RORA: variants seen among roughly 807,000 people sequenced by gnomAD.
The protein encoded by RORA is RAR related orphan receptor A.
A neutral mutation model predicts 69.5 loss-of-function variants in RORA; 7 were observed. The observed-to-expected ratio is 0.10, with a 90% confidence interval of 0.06 to 0.19. The LOEUF (loss-of-function observed/expected upper bound fraction) is 0.19, where lower values mean the gene tolerates loss of function less well. RORA is among the 10% of genes least tolerant of loss of function. The probability of loss-of-function intolerance (pLI) is 1.00; values close to 1 mark genes in which losing one functional copy is unlikely to be tolerated. For missense variants in RORA, 457 were observed against 663.0 expected (o/e 0.69, Z 3.41); for synonymous variants, 261 against 240.8 (o/e 1.08, Z -0.78).
intron 2 of RORA, among the ~76,000 whole-genome samples, chr15:60,631,938 C>T (rs1417536485): frequency 1.3e-5 from 2 of 152,164 alleles, no homozygotes; most frequent in Non-Finnish European, 2.9e-5. Flanking sequence ...CAAGTTAACT[C>T]GCTTTACTCT....
chr15:60,627,514 C>T (rs865806921), intron 2 of RORA: 50 of 1,480,126 alleles, frequency 3.4e-5, no homozygotes, highest in Middle Eastern at 2.4e-4. Context: ...GGATAATGCT[C>T]AGAGGCCCTG....
At chr15:61,185,140 C>T (rs143919327) in intron 1 of RORA, among the ~76,000 whole-genome samples, 1,807 of 152,162 alleles carry the variant, frequency 0.012, 12 homozygotes, top group Middle Eastern at 0.037. Flanking sequence ...AAAGCTGTTT[C>T]GCAGGTCCTT....
intron 2 of RORA, among the ~76,000 whole-genome samples, chr15:60,629,992 G>T (rs2069697608): frequency 6.6e-6 from 1 of 152,188 alleles, no homozygotes; most frequent in Non-Finnish European, 1.5e-5. Context: ...AGGGAACTCT[G>T]GTGAATACTT....
At chr15:61,028,154 A>G (rs1362688621) in intron 1 of RORA, among the ~76,000 whole-genome samples, 2 of 152,208 alleles carry the variant, frequency 1.3e-5, no homozygotes, top group Non-Finnish European at 2.9e-5. Flanking sequence ...ATGTATTCAC[A>G]TCAGGACCTG....
chr15:60,865,242 T>C (rs1191490234), intron 1 of RORA, among the ~76,000 whole-genome samples: 1 of 152,198 alleles, frequency 6.6e-6, no homozygotes, highest in African/African-American at 2.4e-5. Flanking sequence ...GCCTGAAACC[T>C]GGCTCTTTAC....
intron 1 of RORA, among the ~76,000 whole-genome samples, chr15:61,024,463 T>TG (rs988038858): frequency 1.3e-5 from 2 of 150,052 alleles, no homozygotes; most frequent in African/African-American, 4.9e-5. Flanking sequence ...TTTTTTTTTT[T>TG]TTTGAGATGG....
At chr15:61,017,051 G>C (rs532733338) in intron 1 of RORA, among the ~76,000 whole-genome samples, 25 of 152,196 alleles carry the variant, frequency 1.6e-4, no homozygotes, top group Admixed American at 5.9e-4. Context: ...TACCATTACA[G>C]TTAAAATTAT....
intron 1 of RORA, among the ~76,000 whole-genome samples, chr15:60,911,998 C>T (rs1288041900): frequency 6.6e-6 from 1 of 151,998 alleles, no homozygotes; most frequent in Non-Finnish European, 1.5e-5. Flanking sequence ...ACATTAGCCA[C>T]CACAACCTGC....
chr15:61,137,087 GAAAGAAAGAAAGAAAA>G (rs1310553594), intron 1 of RORA, among the ~76,000 whole-genome samples: 5 of 145,326 alleles, frequency 3.4e-5, no homozygotes, highest in African/African-American at 1.3e-4. Context: ...AAGAAAGAAA[GAAAGAAAGAAAGAAAA>G]AAGCAAGGGT....
intron 1 of RORA, among the ~76,000 whole-genome samples, chr15:60,883,937 C>G (rs1274535257): frequency 6.6e-6 from 1 of 152,222 alleles, no homozygotes; most frequent in Non-Finnish European, 1.5e-5. Context: ...ACTCCTTTGT[C>G]AAACTGGTTT....
At chr15:60,828,087 G>C (rs1022160474) in intron 1 of RORA, among the ~76,000 whole-genome samples, 2 of 152,194 alleles carry the variant, frequency 1.3e-5, no homozygotes, top group African/African-American at 4.8e-5. Context: ...TGCCAGGAGT[G>C]GTGGGCACTG....
chr15:61,052,816 A>G (rs1413250489), intron 1 of RORA, among the ~76,000 whole-genome samples: 1 of 152,230 alleles, frequency 6.6e-6, no homozygotes, highest in Non-Finnish European at 1.5e-5. Flanking sequence ...GCGAAGATGA[A>G]AACTTCAGCA....
chr15:60,775,591 C>T (rs888343044), intron 1 of RORA, among the ~76,000 whole-genome samples: 1 of 152,166 alleles, frequency 6.6e-6, no homozygotes, highest in South Asian at 2.1e-4. Flanking sequence ...TCCCTCTTTG[C>T]TCTTTTCCCC....
intron 1 of RORA, among the ~76,000 whole-genome samples, chr15:60,803,556 G>T (rs1026550303): frequency 3.9e-5 from 6 of 152,210 alleles, no homozygotes; most frequent in Non-Finnish European, 8.8e-5. Context: ...GAGCCCACAA[G>T]GCAGCATTGC....
At chr15:60,910,642 C>T (rs1891679172) in intron 1 of RORA, among the ~76,000 whole-genome samples, 1 of 152,116 alleles carries the variant, frequency 6.6e-6, no homozygotes, top group African/African-American at 2.4e-5. Context: ...TCTAAATTCA[C>T]AAAGAACTTA....
intron 1 of RORA, among the ~76,000 whole-genome samples, chr15:61,224,222 G>A (rs754179082): frequency 5.9e-5 from 9 of 152,244 alleles, no homozygotes; most frequent in Non-Finnish European, 1.0e-4. Flanking sequence ...AGGAATCTGT[G>A]AGCGAGCAGA....
At chr15:60,777,253 A>G (rs2072182351) in intron 1 of RORA, among the ~76,000 whole-genome samples, 1 of 152,232 alleles carries the variant, frequency 6.6e-6, no homozygotes, top group Admixed American at 6.5e-5. Flanking sequence ...AATACAAAAC[A>G]AAATAAGACC....
At chr15:60,948,205 A>C (rs775922152) in intron 1 of RORA, among the ~76,000 whole-genome samples, 70 of 152,050 alleles carry the variant, frequency 4.6e-4, no homozygotes, top group Non-Finnish European at 8.5e-4. Context: ...GGACAAAACT[A>C]CCTGGAGAGC....
intron 1 of RORA, among the ~76,000 whole-genome samples, chr15:60,981,239 T>C (rs577568078): frequency 2.4e-4 from 36 of 152,274 alleles, no homozygotes; most frequent in African/African-American, 8.2e-4. Context: ...TGAGATTCTC[T>C]ATTCGTCTTT....
Sources: gnomAD v4.1 joint callset for allele counts (sites outside exome capture counted in the v4.1 genomes callset) on GRCh38, gnomAD v4.1.1 for gene constraint, MANE v1.5 for transcripts, NCBI Gene and HGNC (gene_info 2026-07-23, HGNC 2026-07-21) for gene names.